Variants in LYPLAL1 observed in about 807,000 individuals in gnomAD.
LYPLAL1 encodes the protein lysophospholipase-like protein 1.
LYPLAL1 carries 23 observed loss-of-function variants against 19.7 expected under a neutral mutation model. The observed-to-expected ratio is 1.17, with a 90% confidence interval of 0.84 to 1.65. LYPLAL1 has a LOEUF of 1.65. LYPLAL1 is among the 40% of genes most tolerant of loss of function. The pLI is 0.00. For synonymous variants in LYPLAL1, 119 were observed against 96.3 expected (o/e 1.24, Z -1.38); for missense variants, 355 against 279.4 (o/e 1.27, Z -1.93).
chr1:219,437,987 G>A, the LYPLAL1 span, among the ~76,000 whole-genome samples: 8 of 151,752 alleles, frequency 5.3e-5, no homozygotes, highest in Admixed American at 4.6e-4. Context: ...GGCTGGTCTC[G>A]AACTCCTGAC....
chr1:219,229,173 T>C, the LYPLAL1 span, among the ~76,000 whole-genome samples: 1 of 151,984 alleles, frequency 6.6e-6, no homozygotes, highest in South Asian at 2.1e-4. Context: ...TAAATATTTC[T>C]TCCGATATGG....
At chr1:219,421,021 C>A in the LYPLAL1 span, among the ~76,000 whole-genome samples, 1 of 152,158 alleles carries the variant, frequency 6.6e-6, no homozygotes, top group Non-Finnish European at 1.5e-5. Flanking sequence ...GAAATCTGAA[C>A]CAGTTGTGAA....
the LYPLAL1 span, among the ~76,000 whole-genome samples, chr1:219,417,340 T>C: frequency 6.6e-6 from 1 of 152,206 alleles, no homozygotes; most frequent in Non-Finnish European, 1.5e-5. Context: ...AAAACTTTGA[T>C]AGGAAAAATA....
chr1:219,433,934 A>T, the LYPLAL1 span, among the ~76,000 whole-genome samples: 1 of 152,218 alleles, frequency 6.6e-6, no homozygotes, highest in Admixed American at 6.5e-5. Context: ...CCTTAAATCA[A>T]TTATTCACAC....
At chr1:219,425,601 T>G in the LYPLAL1 span, among the ~76,000 whole-genome samples, 1 of 152,214 alleles carries the variant, frequency 6.6e-6, no homozygotes, top group African/African-American at 2.4e-5. Flanking sequence ...GGGACAATAA[T>G]AGTAGCATCA....
chr1:219,291,813 A>T, the LYPLAL1 span, among the ~76,000 whole-genome samples: 3 of 151,434 alleles, frequency 2.0e-5, no homozygotes, highest in African/African-American at 7.3e-5. Context: ...TAGCTTCTTT[A>T]TTATGTTACA....
intron 3 of LYPLAL1, among the ~76,000 whole-genome samples, chr1:219,202,946 A>G (rs995979049): frequency 3.3e-5 from 5 of 151,974 alleles, no homozygotes; most frequent in African/African-American, 4.8e-5. Flanking sequence ...TCAGTCTCCC[A>G]GAGTGTTGGT....
At chr1:219,396,292 T>G in the LYPLAL1 span, among the ~76,000 whole-genome samples, 4 of 152,208 alleles carry the variant, frequency 2.6e-5, no homozygotes, top group Non-Finnish European at 4.4e-5. Context: ...CATTGGTCTA[T>G]GTACCTCTTT....
At chr1:219,203,425 T>C (rs2125097685) in intron 3 of LYPLAL1, among the ~76,000 whole-genome samples, 1 of 152,244 alleles carries the variant, frequency 6.6e-6, no homozygotes, top group East Asian at 1.9e-4. Context: ...TGCTGGAGTA[T>C]AAAAGAAACT....
At chr1:219,233,631 T>A in the LYPLAL1 span, among the ~76,000 whole-genome samples, 2 of 151,944 alleles carry the variant, frequency 1.3e-5, no homozygotes, top group Non-Finnish European at 2.9e-5. Flanking sequence ...TAACTGGGCA[T>A]GGTGGTGCAA....
intron 2 of LYPLAL1, among the ~76,000 whole-genome samples, chr1:219,190,756 G>GA (rs1260780076): frequency 2.0e-5 from 3 of 149,086 alleles, no homozygotes; most frequent in African/African-American, 4.9e-5. Flanking sequence ...TTTTAAACAA[G>GA]AAAAAAATTG....
At chr1:219,222,668 T>G in the LYPLAL1 span, 1 of 152,190 alleles carries the variant, frequency 6.6e-6, no homozygotes, top group African/African-American at 2.4e-5. Context: ...TTAAAAGGAC[T>G]GTAAGTTTCC....
At chr1:219,286,165 A>T in the LYPLAL1 span, among the ~76,000 whole-genome samples, 1 of 152,050 alleles carries the variant, frequency 6.6e-6, no homozygotes, top group Non-Finnish European at 1.5e-5. Flanking sequence ...GGGAGCAGAG[A>T]TATGGGGATG....
In LYPLAL1 at chr1:219,212,188, T is replaced by C. The variant is rs1473825098; in HGVS notation, c.*460T>C. ...TATTTCATTTGATCATCACAAGAGC[T>C]TTGTGAAGTAAGCCGAGAAGTTGTT... On this transcript the variant is annotated 3_prime_UTR_variant, in exon 5 of 5. Coordinates refer to ENST00000366928, the MANE Select transcript of LYPLAL1 (RefSeq NM_138794.5). 1.3e-5 allele frequency: 2 copies of C among 152,458 alleles called. No individual in the cohort carries two copies. The highest frequency in any genetic ancestry group is 2.9e-5 in the Non-Finnish European group (2 of 68,286). The allele number at this position is 152,458 out of a possible 1,614,324, so 9.4% of individuals were successfully genotyped here.
the LYPLAL1 span, among the ~76,000 whole-genome samples, chr1:219,218,171 T>C: frequency 2.0e-5 from 3 of 152,004 alleles, no homozygotes; most frequent in Non-Finnish European, 2.9e-5. Context: ...AATTGAAGTA[T>C]AACAAAATGA....
chr1:219,303,292 G>T, the LYPLAL1 span, among the ~76,000 whole-genome samples: 26 of 152,230 alleles, frequency 1.7e-4, no homozygotes, highest in African/African-American at 6.0e-4. Context: ...AAATAGACAA[G>T]TTTTTTGCTT....
chr1:219,395,505 T>C, the LYPLAL1 span, among the ~76,000 whole-genome samples: 1 of 152,236 alleles, frequency 6.6e-6, no homozygotes, highest in African/African-American at 2.4e-5. Context: ...TCCTTATAAA[T>C]GCTGGATATT....
chr1:219,282,068 G>T, the LYPLAL1 span, among the ~76,000 whole-genome samples: 1 of 152,076 alleles, frequency 6.6e-6, no homozygotes, highest in Admixed American at 6.6e-5. Flanking sequence ...TAGACACAGA[G>T]GACTTAGATG....
chr1:219,385,047 CT>C, the LYPLAL1 span, among the ~76,000 whole-genome samples: 1 of 152,104 alleles, frequency 6.6e-6, no homozygotes, highest in Non-Finnish European at 1.5e-5. Context: ...CAGTAATGTT[CT>C]GCAGGTGGTG....
Sources: allele counts gnomAD v4.1 joint callset (sites outside exome capture counted in the v4.1 genomes callset), GRCh38; gene constraint gnomAD v4.1.1; transcripts MANE v1.5; gene names NCBI Gene and HGNC (gene_info 2026-07-23, HGNC 2026-07-21).